The following DLG1 variants were observed in gnomAD, a reference collection of about 807,000 sequenced individuals.
DLG1 encodes the protein discs large MAGUK scaffold protein 1, also known as disks large homolog 1.
In DLG1, 42 loss-of-function variants were observed where a neutral mutation model predicts 123.4. That is an observed-to-expected ratio of 0.34 (90% CI 0.27 to 0.44). The LOEUF is 0.44. Ranked by LOEUF, DLG1 falls within the 20% of genes least tolerant of loss-of-function variation. DLG1 has a pLI of 1.00. For synonymous variants in DLG1, 317 were observed against 356.2 expected (o/e 0.89, Z 1.24); for missense variants, 942 against 1,082.6 (o/e 0.87, Z 1.82).
At chr3:197,227,424 G>A (rs751891322) in intron 4 of DLG1, among the ~76,000 whole-genome samples, 2 of 151,922 alleles carry the variant, frequency 1.3e-5, no homozygotes, top group Admixed American at 6.6e-5. Context: ...GCAGTGAACC[G>A]AGATTGCGCC....
intron 5 of DLG1, among the ~76,000 whole-genome samples, chr3:197,188,981 G>A (rs1391214816): frequency 1.3e-5 from 2 of 152,142 alleles, no homozygotes; most frequent in Admixed American, 6.5e-5. Flanking sequence ...ATTTTACGTG[G>A]CATCTGCCAC....
intron 19 of DLG1, among the ~76,000 whole-genome samples, chr3:197,068,160 T>C (rs1741045565): frequency 6.6e-6 from 1 of 152,212 alleles, no homozygotes; most frequent in Admixed American, 6.5e-5. Context: ...ATAAGACCAA[T>C]ATTTTATAAG....
chr3:197,164,158 G>A (rs1335197759), intron 5 of DLG1, among the ~76,000 whole-genome samples: 7 of 151,830 alleles, frequency 4.6e-5, no homozygotes, highest in South Asian at 2.1e-4. Flanking sequence ...TTGGGAGGCC[G>A]ATGCGGGTGG....
intron 4 of DLG1, among the ~76,000 whole-genome samples, chr3:197,280,497 G>T (rs757545019): frequency 6.6e-6 from 1 of 152,052 alleles, no homozygotes; most frequent in African/African-American, 2.4e-5. Context: ...CTTTCTCTTG[G>T]ACAGATACCC....
At position 197,282,842 on chromosome 3, in the gene DLG1, A is replaced by G. The variant is rs1231675229; in HGVS notation, c.155T>C (p.Ile52Thr). ...TAAGGTCACTTCATAAAATTCTTGA[A>G]TATCTAGAAGAAGGAAAATAAAAAT... ...QSNLFQALID[I>T]QEFYEVTLLD... The change falls in exon 4 of 25, where the codon ATT (isoleucine) becomes ACT (threonine). Residue 52 changes from isoleucine (I) to threonine (T), a missense_variant. By Grantham distance (89) the Ile-to-Thr change is moderately conservative (BLOSUM62 -1). Transcript: ENST00000667157. 1.3e-6 allele frequency: 2 copies of G among 1,518,526 alleles called. No homozygotes were observed. The highest frequency in any genetic ancestry group is 1.4e-5 in the African/African-American group (1 of 71,820). The allele number at this position is 1,518,526 out of a possible 1,614,324, so 94.1% of individuals were successfully genotyped here. A position where few individuals can be genotyped will look rare whatever the true frequency, so the allele number is the denominator to read the frequency against.
At chr3:197,135,232 T>TA (rs553689573) in intron 10 of DLG1, among the ~76,000 whole-genome samples, 138 of 152,328 alleles carry the variant, frequency 9.1e-4, no homozygotes, top group African/African-American at 3.2e-3. Context: ...CAGTTATTGA[T>TA]TGATATGGTA....
Position 197,194,794 on chromosome 3 carries a change from T to C in DLG1, c.319-205A>G, listed in dbSNP as rs113256252. Among the ~76,000 whole-genome samples, 1,235 of 152,238 alleles carry C rather than the reference T, an allele frequency of 8.1e-3. 13 individuals carry two copies. The highest frequency in any genetic ancestry group is 0.027 in the African/African-American group (1,126 of 41,528). On this transcript the variant is annotated intron_variant, in intron 4 of 24. Coordinates refer to ENST00000667157, the MANE Select transcript of DLG1 (RefSeq NM_001366207.1). The stretch of plus-strand genomic sequence containing the variant: ...TATTTAATTTAAACATTAGAAATAA[T>C]TCAAAGCTAGGTGACAAGAGAAGAC...
intron 6 of DLG1, among the ~76,000 whole-genome samples, chr3:197,148,063 C>G (rs1791851821): frequency 1.3e-5 from 2 of 150,838 alleles, no homozygotes; most frequent in African/African-American, 4.9e-5. Flanking sequence ...AATAAAAACT[C>G]CAAAAATAAA....
intron 14 of DLG1, among the ~76,000 whole-genome samples, chr3:197,098,947 A>C (rs1762072343): frequency 6.6e-6 from 1 of 152,186 alleles, no homozygotes; most frequent in Non-Finnish European, 1.5e-5. Context: ...TTACCTACTT[A>C]AGATTCCTAC....
At chr3:197,116,363 C>T (rs1243647633) in intron 12 of DLG1, among the ~76,000 whole-genome samples, 3 of 152,056 alleles carry the variant, frequency 2.0e-5, no homozygotes, top group Non-Finnish European at 2.9e-5. Flanking sequence ...ATTATAAGAG[C>T]TTATCAGGAA....
chr3:197,069,386 T>C, intron 18 of DLG1, 126 bp from the exon 19 acceptor site: 1 of 535,206 alleles, frequency 1.9e-6, no homozygotes, highest in Non-Finnish European at 3.1e-6. Context: ...ATTTTCTTTT[T>C]CTTTGAAACG....
chr3:197,254,668 A>G (rs140220111), intron 4 of DLG1, among the ~76,000 whole-genome samples: 112 of 152,350 alleles, frequency 7.4e-4, no homozygotes, highest in African/African-American at 2.6e-3. Context: ...ATTAGATGCA[A>G]TATCAAATTT....
At chr3:197,185,453 C>T (rs532015136) in intron 5 of DLG1, among the ~76,000 whole-genome samples, 2 of 152,316 alleles carry the variant, frequency 1.3e-5, no homozygotes, top group African/African-American at 4.8e-5. Context: ...AAGTTTGGTG[C>T]TTCTTCCCAA....
chr3:197,181,935 T>C (rs1712327326), intron 5 of DLG1, among the ~76,000 whole-genome samples: 1 of 152,184 alleles, frequency 6.6e-6, no homozygotes, highest in Non-Finnish European at 1.5e-5. Context: ...CATGACTCTC[T>C]TCTGGCGCAA....
chr3:197,125,246 T>C (rs1181524190), intron 11 of DLG1, among the ~76,000 whole-genome samples: 1 of 151,878 alleles, frequency 6.6e-6, no homozygotes, highest in East Asian at 1.9e-4. Flanking sequence ...GAGAGTGAAT[T>C]AGGGAAATGT....
intron 5 of DLG1, among the ~76,000 whole-genome samples, chr3:197,188,453 T>C (rs1717385111): frequency 6.6e-6 from 1 of 152,186 alleles, no homozygotes; most frequent in Non-Finnish European, 1.5e-5. Flanking sequence ...TAATAACTGT[T>C]TGCTAAATGC....
intron 15 of DLG1, among the ~76,000 whole-genome samples, chr3:197,090,150 C>A (rs985414771): frequency 5.3e-5 from 8 of 151,936 alleles, no homozygotes; most frequent in African/African-American, 1.7e-4. Flanking sequence ...AGAATCAGGA[C>A]GACTGAGATG....
intron 13 of DLG1, among the ~76,000 whole-genome samples, chr3:197,106,850 G>A (rs4643685): frequency 0.75 from 113,907 of 152,098 alleles, 42,764 homozygotes; most frequent in East Asian, 0.82. Flanking sequence ...CTTTTACACC[G>A]ACATTTTTAA....
rs748855119 is a variant in DLG1 at position 197,043,089 on chromosome 3, ATAT to A, written c.*1531_*1533del. 7.5e-4 allele frequency: 115 copies of A among 152,338 alleles called. No individual in the cohort carries two copies. Among genetic ancestry groups the A allele is most frequent in the Non-Finnish European group, 3.8e-4 (26 of 68,026 alleles). The allele number at this position is 152,338 out of a possible 1,614,324, so 9.4% of individuals were successfully genotyped here. On this transcript the variant is annotated 3_prime_UTR_variant, in exon 25 of 25. Coordinates refer to ENST00000667157, the MANE Select transcript of DLG1 (RefSeq NM_001366207.1). ...ACTCCAAAGAGCAATGGGAAGCCAA[ATAT>A]TATTATTAATATGAAGGACCAGAGA...
Sources: gnomAD v4.1 joint callset for allele counts (sites outside exome capture counted in the v4.1 genomes callset) on GRCh38, gnomAD v4.1.1 for gene constraint, MANE v1.5 for transcripts, NCBI Gene and HGNC (gene_info 2026-07-23, HGNC 2026-07-21) for gene names.